The following ZNF277 variants were observed in gnomAD, a reference collection of about 807,000 sequenced individuals.
ZNF277 encodes the protein zinc finger protein 277.
In ZNF277, 55 loss-of-function variants were observed where a neutral mutation model predicts 60.7. The observed-to-expected ratio is 0.91, with a 90% CI of 0.73 to 1.13. The LOEUF is 1.13. Ranked by LOEUF, ZNF277 falls within the 50% of genes most tolerant of loss-of-function variation. The probability of loss-of-function intolerance (pLI) is 0.00; values close to 1 mark genes in which losing one functional copy is unlikely to be tolerated. For missense variants in ZNF277, 510 were observed against 523.0 expected, an observed-to-expected ratio of 0.98 and a Z score of 0.24; for synonymous variants, 178 against 179.3, an observed-to-expected ratio of 0.99 and a Z score of 0.06.
At chr7:112,269,609 G>A (rs1199744481) in intron 1 of ZNF277, among the ~76,000 whole-genome samples, 2 of 152,096 alleles carry the variant, frequency 1.3e-5, no homozygotes, top group South Asian at 2.1e-4. Context: ...AAGACTTGTA[G>A]CACTTCACTA....
Position 112,306,152 on chromosome 7 carries a change from A to C in ZNF277, c.465+9841A>C, listed in dbSNP as rs555579983. 1.3e-4 allele frequency among the ~76,000 whole-genome samples: 19 copies of C among 151,626 alleles called. 1 individual carries two copies. The highest frequency in any genetic ancestry group is 9.9e-4 in the Admixed American group (15 of 15,210). ...GCTGAAAACTTTAATCCTAAATTCT[A>C]AACTGTTTTAGAACTGCTTGCTCTT... On this transcript the variant is annotated intron_variant, in intron 4 of 11. Transcript: ENST00000361822.
intron 1 of ZNF277, among the ~76,000 whole-genome samples, chr7:112,233,580 G>A (rs1239165496): frequency 6.6e-6 from 1 of 152,140 alleles, no homozygotes; most frequent in Non-Finnish European, 1.5e-5. Context: ...TCATCATTAT[G>A]CAATGATATT....
At chr7:112,318,825 G>A (rs953925808) in intron 5 of ZNF277, among the ~76,000 whole-genome samples, 2 of 151,986 alleles carry the variant, frequency 1.3e-5, no homozygotes, top group Non-Finnish European at 2.9e-5. Flanking sequence ...TGGTCCCAGG[G>A]CTACCCAAAG....
chr7:112,300,104 T>C (rs1792442079), intron 4 of ZNF277, among the ~76,000 whole-genome samples: 1 of 152,198 alleles, frequency 6.6e-6, no homozygotes, highest in African/African-American at 2.4e-5. Flanking sequence ...AACTCTGTTT[T>C]CTGTGTGAGT....
chr7:112,339,252 A>G (rs1289831663), intron 9 of ZNF277, among the ~76,000 whole-genome samples: 1 of 152,220 alleles, frequency 6.6e-6, no homozygotes, highest in Non-Finnish European at 1.5e-5. Context: ...CTACATTTTT[A>G]GAAGGCTACA....
intron 1 of ZNF277, among the ~76,000 whole-genome samples, chr7:112,208,674 ATTTTT>A (rs869082099): frequency 0.047 from 3,383 of 72,734 alleles, 59 homozygotes; most frequent in African/African-American, 0.16. Context: ...GTATGATTTG[ATTTTT>A]TTTTTTTTTT....
In ZNF277 at chr7:112,279,107, C is replaced by T. The variant is rs183633715; in HGVS notation, c.92-7766C>T. The stretch of plus-strand genomic sequence containing the variant: ...AAATACTACATTTTCTTTGTCTATA[C>T]ATCTATTATTTCTGCCTCTTGGCTA... On this transcript the variant is annotated intron_variant, in intron 1 of 11. Coordinates refer to ENST00000361822, the MANE Select transcript of ZNF277 (RefSeq NM_021994.3). Among the ~76,000 whole-genome samples the T allele has an allele frequency of 2.0e-3, 306 of 152,272 alleles. 1 individual carries two copies. Among genetic ancestry groups the T allele is most frequent in the African/African-American group, 7.0e-3 (291 of 41,568 alleles).
chr7:112,250,826 G>C (rs1029978303), intron 1 of ZNF277, among the ~76,000 whole-genome samples: 7 of 152,130 alleles, frequency 4.6e-5, no homozygotes, highest in African/African-American at 1.7e-4. Context: ...ATGTTGGTGT[G>C]AGTTGCAAAA....
At chr7:112,223,339 A>G (rs1822084877) in intron 1 of ZNF277, among the ~76,000 whole-genome samples, 1 of 152,194 alleles carries the variant, frequency 6.6e-6, no homozygotes, top group South Asian at 2.1e-4. Context: ...TTCCAGGAAC[A>G]CTGATCTAGG....
At chr7:112,248,283 T>G (rs1587114831) in intron 1 of ZNF277, among the ~76,000 whole-genome samples, 1 of 142,072 alleles carries the variant, frequency 7.0e-6, no homozygotes. Context: ...TCTGGGAGAG[T>G]GGATGTGGCT....
intron 3 of ZNF277, 82 bp downstream of exon 3, chr7:112,296,039 A>T: frequency 8.5e-7 from 1 of 1,172,394 alleles, no homozygotes; most frequent in Non-Finnish European, 1.3e-6. Context: ...TATTAGAATT[A>T]CTTTTACTTT....
chr7:112,327,964 C>T (rs1793136809), intron 6 of ZNF277, 137 bp downstream of exon 6: 1 of 632,672 alleles, frequency 1.6e-6, no homozygotes. Context: ...TTTTGTACGA[C>T]AGTCCTTATT....
intron 4 of ZNF277, among the ~76,000 whole-genome samples, chr7:112,312,789 T>G (rs1040833068): frequency 6.6e-6 from 1 of 152,102 alleles, no homozygotes; most frequent in Admixed American, 6.6e-5. Context: ...TTATTTAGCT[T>G]CCTGGTTTAC....
chr7:112,273,734 C>G (rs896803127), intron 1 of ZNF277, among the ~76,000 whole-genome samples: 6 of 152,076 alleles, frequency 3.9e-5, no homozygotes, highest in African/African-American at 1.4e-4. Flanking sequence ...CCAACCTCGG[C>G]AACAGAGCGA....
intron 1 of ZNF277, among the ~76,000 whole-genome samples, chr7:112,229,890 A>G (rs7792159): frequency 0.79 from 120,458 of 152,142 alleles, 47,858 homozygotes; most frequent in Middle Eastern, 0.84. Context: ...CCAGGTGGCC[A>G]AGGATGGGTA....
At chr7:112,335,630 C>T (rs966896533) in intron 7 of ZNF277, among the ~76,000 whole-genome samples, 4 of 151,978 alleles carry the variant, frequency 2.6e-5, no homozygotes, top group Non-Finnish European at 4.4e-5. Flanking sequence ...CTAAATTGAC[C>T]TCAAGTGTAT....
At chr7:112,220,476 C>CA (rs1032457563) in intron 1 of ZNF277, among the ~76,000 whole-genome samples, 172 of 151,954 alleles carry the variant, frequency 1.1e-3, no homozygotes, top group African/African-American at 3.9e-3. Flanking sequence ...TGTTTGTAAA[C>CA]AAAAAAAATT....
At chr7:112,281,867 C>T (rs760967020) in intron 1 of ZNF277, among the ~76,000 whole-genome samples, 1 of 152,106 alleles carries the variant, frequency 6.6e-6, no homozygotes, top group Non-Finnish European at 1.5e-5. Flanking sequence ...GAGTCTTGCT[C>T]TGTCACCCAG....
intron 4 of ZNF277, among the ~76,000 whole-genome samples, chr7:112,306,793 C>A (rs10276868): frequency 0.059 from 8,978 of 151,818 alleles, 718 homozygotes; most frequent in African/African-American, 0.18. Flanking sequence ...ATATTTAAAT[C>A]TTTTAACACC....
Sources: gnomAD v4.1 joint callset for allele counts (sites outside exome capture counted in the v4.1 genomes callset) on GRCh38, gnomAD v4.1.1 for gene constraint, MANE v1.5 for transcripts, NCBI Gene and HGNC (gene_info 2026-07-23, HGNC 2026-07-21) for gene names.